Variants in SUPT20H observed in about 807,000 individuals in gnomAD.
SUPT20H encodes the protein SPT20 homolog, SAGA complex component, also known as transcription factor SPT20 homolog.
Under a neutral mutation model 122.8 loss-of-function variants are expected in SUPT20H, and 82 were observed. The ratio of observed to expected loss-of-function variants is 0.67; its 90% confidence interval spans 0.56 to 0.80. SUPT20H has a LOEUF of 0.80. Ranked by LOEUF, SUPT20H falls within the 30% of genes least tolerant of loss-of-function variation. The pLI, the probability that SUPT20H is intolerant of heterozygous loss-of-function variation, is 0.00. For missense variants in SUPT20H, 831 were observed against 921.6 expected, an observed-to-expected ratio of 0.90 and a Z score of 1.27; for synonymous variants, 291 against 313.0, an observed-to-expected ratio of 0.93 and a Z score of 0.74.
At chr13:37,057,230 G>A (rs1566396762) in intron 1 of SUPT20H, 1 of 151,916 alleles carries the variant, frequency 6.6e-6, no homozygotes, top group Non-Finnish European at 1.5e-5. Context: ...GGGAAATAGA[G>A]GCTGCAGTGA....
At chr13:37,043,024 T>C (rs1444353238) in intron 7 of SUPT20H, among the ~76,000 whole-genome samples, 2 of 152,220 alleles carry the variant, frequency 1.3e-5, no homozygotes, top group African/African-American at 4.8e-5. Flanking sequence ...TGCTCAGATT[T>C]TGGAACACTG....
intron 1 of SUPT20H, among the ~76,000 whole-genome samples, chr13:37,055,934 A>G (rs1424300584): frequency 6.6e-6 from 1 of 152,212 alleles, no homozygotes; most frequent in African/African-American, 2.4e-5. Context: ...AAAAACAAAC[A>G]ACCCCATCAA....
chr13:37,051,901 T>C (rs1421964111), intron 1 of SUPT20H, among the ~76,000 whole-genome samples: 1 of 152,224 alleles, frequency 6.6e-6, no homozygotes, highest in Non-Finnish European at 1.5e-5. Flanking sequence ...CTATCACTAC[T>C]GTTGCTATTC....
intron 7 of SUPT20H, among the ~76,000 whole-genome samples, chr13:37,041,979 T>C (rs1417346200): frequency 6.6e-6 from 1 of 152,192 alleles, no homozygotes; most frequent in Admixed American, 6.5e-5. Flanking sequence ...GGACAGATCA[T>C]TCCAGACAGA....
Position 37,025,449 on chromosome 13 carries a change from G to A in SUPT20H, c.1212-12C>T. On this transcript the variant is annotated splice_polypyrimidine_tract_variant and intron_variant, in intron 16 of 25. Transcript: ENST00000350612. ...ACTGATTGACTACCCTAAAATATCA[G>A]GAGAAAACAGGTAAAGATTAGAAAA... The A allele has an allele frequency of 5.1e-6, 8 of 1,562,842 alleles. No homozygotes were observed. The highest frequency in any genetic ancestry group is 2.3e-5 in the East Asian group (1 of 43,786).
chr13:37,032,190 G>A (rs1053368800), intron 10 of SUPT20H, among the ~76,000 whole-genome samples: 3 of 152,192 alleles, frequency 2.0e-5, no homozygotes, highest in Middle Eastern at 3.4e-3. Context: ...AAAGAGTACT[G>A]TGGAGAGTAT....
chr13:37,044,026 A>C, intron 7 of SUPT20H, 52 bp downstream of exon 7: 1 of 1,135,918 alleles, frequency 8.8e-7, no homozygotes, highest in Non-Finnish European at 1.3e-6. Flanking sequence ...ACATATATAT[A>C]TCATATACAT....
intron 1 of SUPT20H, among the ~76,000 whole-genome samples, chr13:37,053,336 T>C (rs550734391): frequency 1.7e-4 from 26 of 150,844 alleles, no homozygotes; most frequent in South Asian, 8.3e-4. Context: ...TGGAATACTA[T>C]GCAGCCATAA....
intron 19 of SUPT20H, chr13:37,023,587 T>C (rs975432577): frequency 6.5e-6 from 1 of 152,950 alleles, no homozygotes; most frequent in Non-Finnish European, 1.5e-5. Context: ...GTTTATTGTA[T>C]CACCACCTTG....
intron 1 of SUPT20H, among the ~76,000 whole-genome samples, chr13:37,056,218 G>A (rs1361931947): frequency 6.6e-6 from 1 of 152,168 alleles, no homozygotes; most frequent in East Asian, 1.9e-4. Context: ...GATTCCTCAA[G>A]GATCTAGAAG....
Position 37,029,808 on chromosome 13 carries a change from G to A in SUPT20H, c.950C>T (p.Ser317Phe), listed in dbSNP as rs2062981190. ...DVEKYAKVEKSIKSDDSQPTV... is the reference protein window; with the variant it reads ...DVEKYAKVEKFIKSDDSQPTV... ...TGGCTGTGAGTCATCAGATTTGATA[G>A]ACTTTTCCACTTTAGCATATTTCTC... Residue 317 changes from serine (S) to phenylalanine (F), a missense_variant, in exon 13 of 26, where the codon TCT becomes TTT. Physicochemically the swap from Ser to Phe is radical, Grantham distance 155. Coordinates refer to ENST00000350612, the MANE Select transcript of SUPT20H (RefSeq NM_001014286.3). The A allele has an allele frequency of 6.2e-7, 1 of 1,601,896 alleles. No individual in the cohort carries two copies. The highest frequency in any genetic ancestry group is 1.3e-5 in the African/African-American group (1 of 74,192).
Position 37,031,868 on chromosome 13 carries a change from A to G in SUPT20H, c.735T>C (p.Ser245=). 6.2e-7 allele frequency: 1 copy of G among 1,601,842 alleles called. No individual in the cohort carries two copies. Among genetic ancestry groups the G allele is most frequent in the Non-Finnish European group, 8.5e-7 (1 of 1,176,406 alleles). ...GAGATAGATCTTGCTGCCGATTCAG[A>G]GAGGATCTGGAATACCTCTTGAAAC... ...KRCFKRYSRS[S]LNRQQDLSHC... Residue 245 remains serine, a synonymous_variant, in exon 11 of 26, where the codon TCT becomes TCC. Transcript: ENST00000350612.
At chr13:37,045,527 C>T (rs2066264450) in intron 5 of SUPT20H, 154 bp from the exon 6 acceptor site, 1 of 907,028 alleles carries the variant, frequency 1.1e-6, no homozygotes, top group East Asian at 2.7e-5. Flanking sequence ...AAACTATAGC[C>T]ACTACGTATG....
chr13:37,050,986 G>A (rs1594534771), intron 2 of SUPT20H, among the ~76,000 whole-genome samples: 1 of 152,178 alleles, frequency 6.6e-6, no homozygotes, highest in East Asian at 1.9e-4. Flanking sequence ...TTTCTTAATG[G>A]CAAAAGTTAA....
chr13:37,044,235 G>T, intron 6 of SUPT20H, 54 bp from the exon 7 acceptor site: 1 of 1,407,174 alleles, frequency 7.1e-7, no homozygotes, highest in Non-Finnish European at 9.8e-7. Context: ...AAGCTTAGCT[G>T]TATAATTCAA....
intron 4 of SUPT20H, 112 bp downstream of exon 4, chr13:37,047,766 A>C: frequency 8.0e-7 from 1 of 1,246,646 alleles, no homozygotes; most frequent in Non-Finnish European, 1.1e-6. Flanking sequence ...AATTCCTAAT[A>C]CATGCAAAGA....
chr13:37,012,255 C>G lies in SUPT20H; in HGVS notation c.2035G>C (p.Ala679Pro). 1 of 1,613,464 alleles carries G rather than the reference C, an allele frequency of 6.2e-7. No homozygotes were observed. Among genetic ancestry groups the G allele is most frequent in the Non-Finnish European group, 8.5e-7 (1 of 1,179,528 alleles). The change falls in exon 24 of 26, where the codon GCT becomes CCT. Residue 679 changes from alanine to proline, a missense_variant. Physicochemically the swap from Ala to Pro is conservative, Grantham distance 27 (BLOSUM62 -1). Transcript: ENST00000350612. ...GSTSQEQALS[A>P]QQAAVINLTG... Reference sequence around the variant, plus strand: ...AGGTTAATAACAGCAGCTTGCTGAGCAGATAAGGCCTGTTCTTGACTGGTT... The same window carrying G: ...AGGTTAATAACAGCAGCTTGCTGAGGAGATAAGGCCTGTTCTTGACTGGTT...
chr13:37,022,695 A>ATTGC lies in SUPT20H; in HGVS notation c.1592-619_1592-616dup. The ATTGC allele has an allele frequency of 1.0e-6, 1 of 992,334 alleles. No individual in the cohort carries two copies. Among genetic ancestry groups the ATTGC allele is most frequent in the Non-Finnish European group, 1.2e-6 (1 of 832,522 alleles). 61.5% of individuals were successfully genotyped at this position (992,334 alleles called of 1,614,324 possible). A position where few individuals can be genotyped will look rare whatever the true frequency, so the allele number is the denominator to read the frequency against. ...CTAATTCAAGACTTCATTTAAAAATATTGCTTATTTAGTGTAAAAGTCTGA... is the reference window on the plus strand; with the variant it reads ...CTAATTCAAGACTTCATTTAAAAATATTGCTTGCTTATTTAGTGTAAAAGTCTGA... On this transcript the variant is annotated intron_variant, in intron 19 of 25. Coordinates refer to ENST00000350612, the MANE Select transcript of SUPT20H (RefSeq NM_001014286.3). The surrounding 1 kb of genome is among the most constrained non-coding windows in gnomAD (Gnocchi z 4.5).
At chr13:37,052,492 C>T (rs1256522599) in intron 1 of SUPT20H, among the ~76,000 whole-genome samples, 1 of 152,030 alleles carries the variant, frequency 6.6e-6, no homozygotes, top group African/African-American at 2.4e-5. Context: ...AGAAATTGGA[C>T]CCCTTTCTTA....
Sources: allele counts gnomAD v4.1 joint callset (sites outside exome capture counted in the v4.1 genomes callset), GRCh38; gene constraint gnomAD v4.1.1; non-coding constraint Gnocchi (gnomAD v3.1); transcripts MANE v1.5; gene names NCBI Gene and HGNC (gene_info 2026-07-23, HGNC 2026-07-21).